The following PLXDC2 variants were observed in gnomAD, a reference collection of about 807,000 sequenced individuals.
PLXDC2 encodes the protein plexin domain-containing protein 2.
In PLXDC2, 40 loss-of-function variants were observed where a neutral mutation model predicts 68.9. The observed-to-expected ratio is 0.58, with a 90% confidence interval of 0.45 to 0.76. The LOEUF (loss-of-function observed/expected upper bound fraction) is 0.76, where lower values mean the gene tolerates loss of function less well. PLXDC2 is among the 30% of genes least tolerant of loss of function. PLXDC2 has a pLI of 0.00. For synonymous variants in PLXDC2, 243 were observed against 234.2 expected, an observed-to-expected ratio of 1.04 and a Z score of -0.34; for missense variants, 644 against 661.9, an observed-to-expected ratio of 0.97 and a Z score of 0.30.
chr10:19,955,038 G>T (rs1021545568), intron 1 of PLXDC2, among the ~76,000 whole-genome samples: 30 of 141,692 alleles, frequency 2.1e-4, no homozygotes, highest in African/African-American at 7.5e-4. Flanking sequence ...GGCCTTCCTT[G>T]TTGCCTATAG....
intron 13 of PLXDC2, among the ~76,000 whole-genome samples, chr10:20,249,972 A>G (rs11011905): frequency 0.25 from 37,661 of 152,072 alleles, 4,845 homozygotes; most frequent in African/African-American, 0.31. Context: ...ATATGGTGAA[A>G]TTGAATGATG....
chr10:20,279,675 T>G (rs750890480), intron 13 of PLXDC2, 28 bp from the exon 14 acceptor site: 7 of 1,588,962 alleles, frequency 4.4e-6, no homozygotes, highest in Non-Finnish European at 8.6e-7. Flanking sequence ...CTGACGCACA[T>G]TTTTTATTTT....
intron 1 of PLXDC2, among the ~76,000 whole-genome samples, chr10:19,912,719 G>A (rs1833296476): frequency 6.6e-6 from 1 of 152,038 alleles, no homozygotes; most frequent in Admixed American, 6.6e-5. Flanking sequence ...TTAGAAGTTA[G>A]TACTATATAA....
At chr10:19,991,997 T>C (rs1324171047) in intron 1 of PLXDC2, among the ~76,000 whole-genome samples, 1 of 152,148 alleles carries the variant, frequency 6.6e-6, no homozygotes, top group Non-Finnish European at 1.5e-5. Flanking sequence ...ATTAGCCCAA[T>C]ATAGGAAACA....
intron 4 of PLXDC2, among the ~76,000 whole-genome samples, chr10:20,099,852 A>G (rs1412386531): frequency 6.6e-6 from 1 of 151,976 alleles, no homozygotes; most frequent in African/African-American, 2.4e-5. Context: ...TTCATTTTAA[A>G]GTAGACATTT....
chr10:20,211,042 A>G (rs1835062554), intron 9 of PLXDC2, among the ~76,000 whole-genome samples: 1 of 152,048 alleles, frequency 6.6e-6, no homozygotes, highest in Admixed American at 6.6e-5. Flanking sequence ...GTCAGCATAA[A>G]CTATCTGCAT....
At chr10:20,107,184 G>C (rs1007852525) in intron 4 of PLXDC2, among the ~76,000 whole-genome samples, 1 of 151,304 alleles carries the variant, frequency 6.6e-6, no homozygotes, top group Non-Finnish European at 1.5e-5. Flanking sequence ...ACTGTATCCT[G>C]CATACTGTAT....
chr10:19,887,788 T>C (rs955904535), intron 1 of PLXDC2, among the ~76,000 whole-genome samples: 1 of 152,220 alleles, frequency 6.6e-6, no homozygotes, highest in African/African-American at 2.4e-5. Flanking sequence ...CTAAAACTTA[T>C]TCAGGTCACT....
chr10:20,252,286 A>T (rs1460563081), intron 13 of PLXDC2, among the ~76,000 whole-genome samples: 1 of 152,214 alleles, frequency 6.6e-6, no homozygotes, highest in Non-Finnish European at 1.5e-5. Context: ...TAAAACATAC[A>T]CTGGATTTTG....
At chr10:20,060,318 G>A (rs925503539) in intron 3 of PLXDC2, among the ~76,000 whole-genome samples, 10 of 152,092 alleles carry the variant, frequency 6.6e-5, no homozygotes, top group Admixed American at 2.0e-4. Flanking sequence ...CACCACACCC[G>A]GCCTATATTA....
At position 20,237,999 on chromosome 10, in the gene PLXDC2, A is replaced by G. The variant is rs183259167; in HGVS notation, c.1313-7346A>G. Among the ~76,000 whole-genome samples the G allele has an allele frequency of 3.6e-4, 55 of 152,206 alleles. No homozygotes were observed. The East Asian group carries it at 8.3e-3, about 23-fold the overall frequency. On this transcript the variant is annotated intron_variant, in intron 12 of 13. Coordinates refer to ENST00000377252, the MANE Select transcript of PLXDC2 (RefSeq NM_032812.9). ...TAGCTACAGATCATTTTGGCAATGC[A>G]TTAAAATATTTTACCATATTGGAGA...
intron 12 of PLXDC2, among the ~76,000 whole-genome samples, chr10:20,232,025 T>C (rs1835371907): frequency 6.6e-6 from 1 of 151,852 alleles, no homozygotes; most frequent in African/African-American, 2.4e-5. Flanking sequence ...AAAATTAAAT[T>C]CTGTGTTCAT....
At chr10:20,251,830 T>G (rs1052600386) in intron 13 of PLXDC2, among the ~76,000 whole-genome samples, 8 of 152,092 alleles carry the variant, frequency 5.3e-5, no homozygotes, top group African/African-American at 7.2e-5. Flanking sequence ...TGGACACTCA[T>G]GTACAGTTTT....
intron 7 of PLXDC2, among the ~76,000 whole-genome samples, chr10:20,172,882 A>G (rs1834467298): frequency 6.6e-6 from 1 of 152,212 alleles, no homozygotes; most frequent in Non-Finnish European, 1.5e-5. Flanking sequence ...TTCACGCTCA[A>G]CTAAGGTTTA....
At chr10:20,095,582 T>C (rs988496498) in intron 4 of PLXDC2, among the ~76,000 whole-genome samples, 13 of 152,132 alleles carry the variant, frequency 8.5e-5, no homozygotes, top group African/African-American at 3.1e-4. Context: ...TTAGGTACCC[T>C]GAGGGAGAGT....
At chr10:20,037,615 A>G (rs2131673338) in intron 2 of PLXDC2, among the ~76,000 whole-genome samples, 1 of 152,230 alleles carries the variant, frequency 6.6e-6, no homozygotes, top group Non-Finnish European at 1.5e-5. Context: ...AATACACTCT[A>G]TTTCATTTAA....
intron 4 of PLXDC2, among the ~76,000 whole-genome samples, chr10:20,072,439 AAG>A (rs1222749267): frequency 6.6e-6 from 1 of 150,772 alleles, no homozygotes; most frequent in Non-Finnish European, 1.5e-5. Context: ...AGAAAGAAGA[AAG>A]AAGGAAAGAA....
chr10:19,951,348 A>G (rs1833988622), intron 1 of PLXDC2, among the ~76,000 whole-genome samples: 1 of 152,224 alleles, frequency 6.6e-6, no homozygotes, highest in South Asian at 2.1e-4. Flanking sequence ...ACACTTCTCA[A>G]AACAAAGAAA....
At chr10:19,999,386 G>GT (rs1453938053) in intron 1 of PLXDC2, among the ~76,000 whole-genome samples, 2 of 92,270 alleles carry the variant, frequency 2.2e-5, no homozygotes, top group Non-Finnish European at 2.8e-5. Flanking sequence ...AGTTGTAGGT[G>GT]TTTGTTTTTT....
Sources: allele counts gnomAD v4.1 joint callset (sites outside exome capture counted in the v4.1 genomes callset), GRCh38; gene constraint gnomAD v4.1.1; transcripts MANE v1.5; gene names NCBI Gene and HGNC (gene_info 2026-07-23, HGNC 2026-07-21).